The following QSER1 variants were observed in gnomAD, a reference collection of about 807,000 sequenced individuals.
The protein encoded by QSER1 is glutamine and serine rich 1.
A neutral mutation model predicts 158.5 loss-of-function variants in QSER1; 49 were observed. The observed-to-expected ratio is 0.31, with a 90% confidence interval of 0.25 to 0.39. The LOEUF (loss-of-function observed/expected upper bound fraction) is 0.39. Among genes scored for constraint, QSER1 ranks in the 10% least tolerant of loss-of-function variants. QSER1 has a pLI of 1.00. For synonymous variants in QSER1, 650 were observed against 715.5 expected (o/e 0.91, Z 1.46); for missense variants, 1,754 against 2,010.3 (o/e 0.87, Z 2.44).
At position 32,906,108 on chromosome 11, in the gene QSER1, T is replaced by G. The variant is rs577609011; in HGVS notation, c.209+12774T>G. On this transcript the variant is annotated intron_variant, in intron 1 of 12. Coordinates refer to ENST00000650167, the MANE Select transcript of QSER1 (RefSeq NM_001076786.3). The stretch of plus-strand genomic sequence containing the variant: ...TATAAAAAAGACTATTTTTTAGTTT[T>G]TTTTTTTTTTTTTTTTAAGTTAAAA... Among the ~76,000 whole-genome samples, 167 of 151,034 alleles carry G rather than the reference T, an allele frequency of 1.1e-3. 2 individuals carry two copies. The highest frequency in any genetic ancestry group is 1.9e-3 in the Admixed American group (29 of 15,214).
At chr11:32,971,425 G>T (rs1292169764) in intron 10 of QSER1, among the ~76,000 whole-genome samples, 1 of 152,028 alleles carries the variant, frequency 6.6e-6, no homozygotes, top group Non-Finnish European at 1.5e-5. Flanking sequence ...GTGTACTTCA[G>T]ATCATCTTAA....
chr11:32,955,201 AG>A (rs1294821896), intron 5 of QSER1, 94 bp from the exon 6 acceptor site: 1 of 664,328 alleles, frequency 1.5e-6, no homozygotes, highest in East Asian at 3.1e-5. Context: ...AGGTTGAGCT[AG>A]GGTAGGCCTT....
chr11:32,973,285 C>G (rs1268270474), intron 10 of QSER1, 112 bp from the exon 11 acceptor site: 1 of 1,106,414 alleles, frequency 9.0e-7, no homozygotes, highest in African/African-American at 1.6e-5. Context: ...GCACACACAC[C>G]TCTCTGCAAA....
At chr11:32,913,426 C>T (rs1851795434) in intron 1 of QSER1, among the ~76,000 whole-genome samples, 1 of 152,036 alleles carries the variant, frequency 6.6e-6, no homozygotes, top group Non-Finnish European at 1.5e-5. Flanking sequence ...ATCTCTTGAC[C>T]TCATGATCCG....
chr11:32,925,292 T>G (rs927611692), intron 1 of QSER1, among the ~76,000 whole-genome samples: 1 of 152,170 alleles, frequency 6.6e-6, no homozygotes, highest in Non-Finnish European at 1.5e-5. Context: ...GGCTAAAGAT[T>G]TGAATAAACT....
intron 8 of QSER1, among the ~76,000 whole-genome samples, chr11:32,963,627 G>A (rs1852669664): frequency 6.6e-6 from 1 of 150,828 alleles, no homozygotes; most frequent in African/African-American, 2.4e-5. Flanking sequence ...CTGGGATTAC[G>A]TGCATGAGCC....
At chr11:32,966,191 T>C in intron 8 of QSER1, 109 bp from the exon 9 acceptor site, 2 of 1,235,696 alleles carry the variant, frequency 1.6e-6, no homozygotes, top group Non-Finnish European at 2.3e-6. Context: ...AAGTCTTGAA[T>C]TTGAAGAAAT....
At chr11:32,904,601 CTTTTTTT>C (rs61491135) in intron 1 of QSER1, among the ~76,000 whole-genome samples, 8 of 114,368 alleles carry the variant, frequency 7.0e-5, no homozygotes, top group African/African-American at 2.4e-4. Context: ...CATATCCACT[CTTTTTTT>C]TTTTTTTTTT....
At chr11:32,954,860 A>T (rs1362557765) in intron 5 of QSER1, among the ~76,000 whole-genome samples, 1 of 152,174 alleles carries the variant, frequency 6.6e-6, no homozygotes, top group Non-Finnish European at 1.5e-5. Flanking sequence ...TTTTTAAAAA[A>T]CATGGGAATG....
chr11:32,955,041 C>G (rs1352957977), intron 5 of QSER1, among the ~76,000 whole-genome samples: 2 of 152,142 alleles, frequency 1.3e-5, no homozygotes, highest in Non-Finnish European at 2.9e-5. Context: ...TAGCAGAAAA[C>G]TTTCCAATAG....
chr11:32,933,663 C>G lies in QSER1; in HGVS notation c.2405C>G (p.Thr802Ser), dbSNP rs1355412332. 1.2e-6 allele frequency: 2 copies of G among 1,613,484 alleles called. No homozygotes were observed. The highest frequency in any genetic ancestry group is 4.5e-5 in the East Asian group (2 of 44,878). ...LIQTPQIRLN[T>S]KDLKQQHPLI... Reference sequence around the variant, plus strand: ...CAGACTCCACAAATAAGGTTGAATACTAAAGACTTAAAGCAGCAACATCCT... The same window carrying G: ...CAGACTCCACAAATAAGGTTGAATAGTAAAGACTTAAAGCAGCAACATCCT... The change falls in exon 4 of 13, where the codon ACT becomes AGT. Residue 802 changes from threonine to serine, a missense_variant. By Grantham distance (58) the Thr-to-Ser change is moderately conservative. Coordinates refer to ENST00000650167, the MANE Select transcript of QSER1 (RefSeq NM_001076786.3).
At position 32,932,553 on chromosome 11, in the gene QSER1, C is replaced by G. The variant is rs1162498381; in HGVS notation, c.1295C>G (p.Pro432Arg). Residue 432 changes from proline to arginine, a missense_variant, in exon 4 of 13, where the codon CCT becomes CGT. Transcript: ENST00000650167. Reference protein sequence around the residue: ...KTPKPQSIIPPVQTLSYSKPL... With the variant: ...KTPKPQSIIPRVQTLSYSKPL... ...CCTAAACCTCAAAGTATAATTCCTCCTGTGCAAACACTAAGCTATTCCAAA... is the reference window on the plus strand; with the variant it reads ...CCTAAACCTCAAAGTATAATTCCTCGTGTGCAAACACTAAGCTATTCCAAA... 6.2e-7 allele frequency: 1 copy of G among 1,614,160 alleles called. No homozygotes were observed. Among genetic ancestry groups the G allele is most frequent in the East Asian group, 2.2e-5 (1 of 44,886 alleles).
In QSER1 at chr11:32,954,110, CGGA is replaced by C. The variant is rs779379336; in HGVS notation, c.4436_4438del (p.Gly1479del). On this transcript the variant is annotated inframe_deletion, in exon 5 of 13. Transcript: ENST00000650167. The stretch of plus-strand genomic sequence containing the variant: ...TTACAGATGAGGAGGACACAGAAAG[CGGA>C]GGAGAAGGCCAATACAGAGAGCGTG... The C allele has an allele frequency of 2.5e-6, 4 of 1,613,842 alleles. No individual in the cohort carries two copies. Among genetic ancestry groups the C allele is most frequent in the African/African-American group, 1.3e-5 (1 of 74,880 alleles).
chr11:32,942,924 A>T (rs1852265265), intron 4 of QSER1, among the ~76,000 whole-genome samples: 1 of 152,148 alleles, frequency 6.6e-6, no homozygotes, highest in South Asian at 2.1e-4. Flanking sequence ...AGCGGTTTGT[A>T]GTTCTCCTTG....
chr11:32,971,602 A>G (rs1486793147), intron 10 of QSER1, among the ~76,000 whole-genome samples: 2 of 152,236 alleles, frequency 1.3e-5, no homozygotes, highest in Non-Finnish European at 2.9e-5. Context: ...AGAAAACACC[A>G]GAGTACATGA....
chr11:32,898,471 G>C (rs974576374), intron 1 of QSER1, among the ~76,000 whole-genome samples: 1 of 140,320 alleles, frequency 7.1e-6, no homozygotes, highest in Non-Finnish European at 1.5e-5. Flanking sequence ...GAGCGACAGA[G>C]TGAGAACCTG....
At chr11:32,942,582 A>G (rs888012955) in intron 4 of QSER1, among the ~76,000 whole-genome samples, 1 of 152,014 alleles carries the variant, frequency 6.6e-6, no homozygotes, top group African/African-American at 2.4e-5. Context: ...GTTCTGTTCC[A>G]TTGATCTATA....
chr11:32,910,406 C>T (rs2133506240), intron 1 of QSER1, among the ~76,000 whole-genome samples: 1 of 152,316 alleles, frequency 6.6e-6, no homozygotes, highest in South Asian at 2.1e-4. Flanking sequence ...GTGCCTTGCT[C>T]ATTGCCTGGT....
chr11:32,940,768 T>A (rs1852218562), intron 4 of QSER1, among the ~76,000 whole-genome samples: 1 of 152,170 alleles, frequency 6.6e-6, no homozygotes. Context: ...ACCTCTGTAG[T>A]TATACCCTCT....
Sources: gnomAD v4.1 joint callset for allele counts (sites outside exome capture counted in the v4.1 genomes callset) on GRCh38, gnomAD v4.1.1 for gene constraint, MANE v1.5 for transcripts, NCBI Gene and HGNC (gene_info 2026-07-23, HGNC 2026-07-21) for gene names.